The following RCL1 variants were observed in gnomAD, a reference collection of about 807,000 sequenced individuals.
The protein encoded by RCL1 is RNA terminal phosphate cyclase like 1.
A neutral mutation model predicts 42.4 loss-of-function variants in RCL1; 24 were observed. That is an observed-to-expected ratio of 0.57 (90% confidence interval 0.41 to 0.80). The LOEUF (loss-of-function observed/expected upper bound fraction) is 0.80, where lower values mean the gene tolerates loss of function less well. RCL1 is among the 30% of genes least tolerant of loss of function. The probability of loss-of-function intolerance (pLI) is 0.00; values close to 1 mark genes in which losing one functional copy is unlikely to be tolerated. For synonymous variants in RCL1, 228 were observed against 177.3 expected (o/e 1.29, Z -2.27); for missense variants, 578 against 467.9 (o/e 1.24, Z -2.17).
At chr9:4,840,768 C>T (rs918270969) in intron 5 of RCL1, among the ~76,000 whole-genome samples, 3 of 152,134 alleles carry the variant, frequency 2.0e-5, no homozygotes, top group African/African-American at 4.8e-5. Flanking sequence ...AGATTGGGAT[C>T]GCCCAGGTCC....
chr9:4,795,491 G>T (rs746023682), intron 1 of RCL1, among the ~76,000 whole-genome samples: 59 of 152,142 alleles, frequency 3.9e-4, no homozygotes, highest in Admixed American at 2.2e-3. Flanking sequence ...ATACATATAC[G>T]TGCACGCATA....
chr9:4,854,780 G>A (rs986972011), intron 8 of RCL1, among the ~76,000 whole-genome samples: 2 of 152,224 alleles, frequency 1.3e-5, no homozygotes, highest in East Asian at 1.9e-4. Context: ...AGGAAGGCCG[G>A]GTGCGGTGGC....
chr9:4,833,054 T>C (rs1210266915), intron 3 of RCL1, 100 bp from the exon 4 acceptor site: 1 of 775,196 alleles, frequency 1.3e-6, no homozygotes, highest in Non-Finnish European at 2.3e-6. Context: ...TTTACCACAC[T>C]GCATCATCTA....
intron 6 of RCL1, among the ~76,000 whole-genome samples, chr9:4,842,040 G>A (rs1340848102): frequency 6.6e-6 from 1 of 152,330 alleles, no homozygotes; most frequent in African/African-American, 2.4e-5. Context: ...GAATAGTACA[G>A]TGAACACGGA....
chr9:4,847,975 A>C (rs921967091), intron 7 of RCL1, among the ~76,000 whole-genome samples: 1 of 152,244 alleles, frequency 6.6e-6, no homozygotes. Flanking sequence ...TCCCCCCAGC[A>C]TAGGTAGGGT....
chr9:4,849,993 T>C (rs934049549), intron 8 of RCL1, among the ~76,000 whole-genome samples: 8 of 152,370 alleles, frequency 5.3e-5, no homozygotes, highest in Non-Finnish European at 1.0e-4. Context: ...GTATTAATGC[T>C]ACTGGACTAG....
intron 1 of RCL1, among the ~76,000 whole-genome samples, chr9:4,813,355 AC>A (rs1252282420): frequency 6.6e-6 from 1 of 152,110 alleles, no homozygotes; most frequent in African/African-American, 2.4e-5. Context: ...AAATCAAACA[AC>A]CCCATCAAAA....
intron 1 of RCL1, among the ~76,000 whole-genome samples, chr9:4,805,145 A>C (rs1365956431): frequency 3.3e-5 from 5 of 152,084 alleles, no homozygotes; most frequent in Non-Finnish European, 7.4e-5. Flanking sequence ...AAAGATTAGA[A>C]ATGAAGCCTC....
At chr9:4,816,493 T>A (rs947906698) in intron 1 of RCL1, among the ~76,000 whole-genome samples, 9 of 152,232 alleles carry the variant, frequency 5.9e-5, no homozygotes, top group African/African-American at 2.2e-4. Context: ...ATACCAAATT[T>A]TATCAGGTGG....
At chr9:4,857,859 A>G (rs147483756) in intron 8 of RCL1, among the ~76,000 whole-genome samples, 122 of 151,170 alleles carry the variant, frequency 8.1e-4, no homozygotes, top group African/African-American at 2.9e-3. Context: ...CTTCCCTAAT[A>G]ACCAGTGATG....
chr9:4,837,836 C>T (rs1372096579), intron 5 of RCL1, among the ~76,000 whole-genome samples: 2 of 152,176 alleles, frequency 1.3e-5, no homozygotes, highest in Non-Finnish European at 2.9e-5. Flanking sequence ...CAAGTTCCTC[C>T]CTCCCTGGAG....
chr9:4,819,269 A>C (rs977070427), intron 1 of RCL1, among the ~76,000 whole-genome samples: 1 of 152,372 alleles, frequency 6.6e-6, no homozygotes, highest in African/African-American at 2.4e-5. Flanking sequence ...TTGCATGTGC[A>C]GTTCACAATA....
chr9:4,824,784 G>A (rs894942425), intron 2 of RCL1, among the ~76,000 whole-genome samples: 1 of 152,174 alleles, frequency 6.6e-6, no homozygotes, highest in African/African-American at 2.4e-5. Flanking sequence ...CAGGTTTCGG[G>A]AATGAGATAC....
intron 1 of RCL1, 75 bp downstream of exon 1, chr9:4,793,302 C>T: frequency 1.3e-6 from 2 of 1,481,710 alleles, no homozygotes; most frequent in South Asian, 1.3e-5. Context: ...TGGGGGCCCG[C>T]GCGGTGTTGG....
intron 5 of RCL1, among the ~76,000 whole-genome samples, chr9:4,840,385 A>G (rs1817276709): frequency 6.6e-6 from 1 of 151,742 alleles, no homozygotes; most frequent in South Asian, 2.1e-4. Flanking sequence ...CATACATTGC[A>G]CATTGAAGTG....
chr9:4,821,800 G>C (rs752911327), intron 1 of RCL1, among the ~76,000 whole-genome samples: 9 of 152,180 alleles, frequency 5.9e-5, no homozygotes, highest in Non-Finnish European at 1.0e-4. Flanking sequence ...TTTTATAGCA[G>C]CCCACTCTTG....
rs1817336212 is a variant in RCL1, at chr9:4,841,694, A to G, written c.710+337A>G. Among the ~76,000 whole-genome samples the G allele has an allele frequency of 3.3e-5, 5 of 152,246 alleles. No homozygotes were observed. In the South Asian group the frequency reaches 1.0e-3, roughly 32 times the overall value. The stretch of plus-strand genomic sequence containing the variant: ...AAAGTGGACAGGTTCTTCCACCCTG[A>G]GTAAATAACAGTATAGGGTTAAAAT... On this transcript the variant is annotated intron_variant, in intron 6 of 8. Transcript: ENST00000381750.
In RCL1 at chr9:4,860,913, G is replaced by C. The variant is rs1818152399; in HGVS notation, c.*638G>C. On this transcript the variant is annotated 3_prime_UTR_variant, in exon 9 of 9. Transcript: ENST00000381750. ...CTGCGGGGCTCCAAGTAAGTTATTGGGATGTTTTTATATTCCAGGTGTGCT... is the reference window on the plus strand; with the variant it reads ...CTGCGGGGCTCCAAGTAAGTTATTGCGATGTTTTTATATTCCAGGTGTGCT... 2 of 90,448 alleles carry C rather than the reference G, an allele frequency of 2.2e-5. No homozygotes were observed. The highest frequency in any genetic ancestry group is 4.6e-5 in the Non-Finnish European group (2 of 43,034). 5.6% of individuals were successfully genotyped at this position (90,448 alleles called of 1,614,324 possible).
intron 1 of RCL1, among the ~76,000 whole-genome samples, chr9:4,797,624 A>G (rs1268375590): frequency 6.6e-6 from 1 of 152,204 alleles, no homozygotes; most frequent in Non-Finnish European, 1.5e-5. Context: ...ACAAAGAATT[A>G]TCCATTCAAA....
Sources: gnomAD v4.1 joint callset for allele counts (sites outside exome capture counted in the v4.1 genomes callset) on GRCh38, gnomAD v4.1.1 for gene constraint, MANE v1.5 for transcripts, NCBI Gene and HGNC (gene_info 2026-07-23, HGNC 2026-07-21) for gene names.